Variants in TOM1 observed in about 807,000 individuals in gnomAD.
TOM1 encodes the protein target of Myb protein 1.
TOM1 carries 38 observed loss-of-function variants against 61.3 expected under a neutral mutation model. The ratio of observed to expected loss-of-function variants is 0.62; its 90% CI spans 0.48 to 0.81. TOM1 has a LOEUF of 0.81. Ranked by LOEUF, TOM1 falls within the 40% of genes least tolerant of loss-of-function variation. The probability of loss-of-function intolerance (pLI) is 0.00; values close to 1 mark genes in which losing one functional copy is unlikely to be tolerated. For synonymous variants in TOM1, 270 were observed against 268.8 expected, an observed-to-expected ratio of 1.00 and a Z score of -0.04; for missense variants, 591 against 659.6, an observed-to-expected ratio of 0.90 and a Z score of 1.14.
intron 12 of TOM1, among the ~76,000 whole-genome samples, chr22:35,340,037 C>G (rs1234691939): frequency 6.6e-6 from 1 of 152,236 alleles, no homozygotes; most frequent in African/African-American, 2.4e-5. Context: ...TGTGGGTGAC[C>G]CCCACACGCT....
chr22:35,299,813 C>G, upstream of TOM1: 99 of 1,235,646 alleles, frequency 8.0e-5, no homozygotes, highest in East Asian at 3.4e-4. Flanking sequence ...CTTCGCGGTG[C>G]CACCGCCCCG....
chr22:35,325,606 T>C (rs1261719650), intron 6 of TOM1, among the ~76,000 whole-genome samples: 1 of 152,342 alleles, frequency 6.6e-6, no homozygotes, highest in African/African-American at 2.4e-5. Flanking sequence ...AGCATGTTTA[T>C]GTAAAATTAA....
chr22:35,323,824 C>G lies in TOM1; in HGVS notation c.558C>G (p.Ser186Arg), dbSNP rs772948986. 3.7e-6 allele frequency: 6 copies of G among 1,613,208 alleles called. No individual in the cohort carries two copies. Among genetic ancestry groups the G allele is most frequent in the Non-Finnish European group, 5.1e-6 (6 of 1,179,532 alleles). The change falls in exon 6 of 15, where the codon AGC (serine) becomes AGG (arginine). Residue 186 changes from serine to arginine, a missense_variant. Transcript: ENST00000449058. The surrounding 1 kb of genome is among the most constrained non-coding windows in gnomAD (Gnocchi z 4.2). ...SGQDSVGTDSSQQEDSGQHAA... is the reference protein window; with the variant it reads ...SGQDSVGTDSRQQEDSGQHAA... ...AGGATTCTGTGGGCACTGACTCCAG[C>G]CAGCAAGAGGACTCTGGCCAGCATG...
At chr22:35,330,511 C>T (rs1346686832) in intron 8 of TOM1, 31 bp downstream of exon 8, 20 of 1,587,032 alleles carry the variant, frequency 1.3e-5, no homozygotes, top group Non-Finnish European at 1.6e-5. Context: ...GGCCTCTGGC[C>T]TACTGCCCCA....
chr22:35,322,962 G>T, intron 3 of TOM1, 66 bp from the exon 4 acceptor site: 1 of 1,581,346 alleles, frequency 6.3e-7, no homozygotes, highest in Non-Finnish European at 8.6e-7. Flanking sequence ...GAGCCACGAG[G>T]GTGGGGGTTC....
chr22:35,335,474 T>C (rs1485006131), intron 11 of TOM1, among the ~76,000 whole-genome samples: 4 of 152,194 alleles, frequency 2.6e-5, no homozygotes, highest in Non-Finnish European at 5.9e-5. Flanking sequence ...GACCAGCAGC[T>C]GTTGCCATGG....
chr22:35,299,633 G>T, upstream of TOM1: 1 of 451,998 alleles, frequency 2.2e-6, no homozygotes, highest in Non-Finnish European at 4.0e-6. Flanking sequence ...TTTAGACCTC[G>T]CCCTAAAAGG....
rs186845291 is a variant in TOM1 at position 35,315,393 on chromosome 22, G to A, written c.53-2484G>A. On this transcript the variant is annotated intron_variant, in intron 1 of 14. Coordinates refer to ENST00000449058, the MANE Select transcript of TOM1 (RefSeq NM_005488.3). Reference sequence around the variant, plus strand: ...ACACTGACTGACATGACTAACCCCCGCCCCAAAACCCTCCAAAGCAGGGCA... The same window carrying A: ...ACACTGACTGACATGACTAACCCCCACCCCAAAACCCTCCAAAGCAGGGCA... 1.1e-3 allele frequency among the ~76,000 whole-genome samples: 171 copies of A among 152,264 alleles called. No homozygotes were observed. The East Asian group carries it at 0.024, about 22-fold the overall frequency.
At chr22:35,321,480 C>T (rs1927776122) in intron 2 of TOM1, among the ~76,000 whole-genome samples, 1 of 152,074 alleles carries the variant, frequency 6.6e-6, no homozygotes, top group African/African-American at 2.4e-5. Flanking sequence ...CTCACTGCAA[C>T]CTCTGCCTCC....
chr22:35,344,230 T>A (rs1930307034), intron 12 of TOM1: 1 of 152,278 alleles, frequency 6.6e-6, no homozygotes, highest in South Asian at 2.1e-4. Flanking sequence ...AAAGCCTCAG[T>A]GACTGGATGG....
intron 1 of TOM1, among the ~76,000 whole-genome samples, chr22:35,314,058 A>G (rs1396641392): frequency 6.6e-6 from 1 of 152,240 alleles, no homozygotes; most frequent in Non-Finnish European, 1.5e-5. Flanking sequence ...AAATATTGCC[A>G]GGTTCCTGTG....
chr22:35,343,686 C>T (rs955550648), intron 12 of TOM1, among the ~76,000 whole-genome samples: 3 of 132,880 alleles, frequency 2.3e-5, no homozygotes, highest in African/African-American at 5.5e-5. Flanking sequence ...ACACACCACA[C>T]CTACACACTC....
At chr22:35,331,431 G>T in intron 8 of TOM1, 1 of 405,194 alleles carries the variant, frequency 2.5e-6, no homozygotes, top group South Asian at 1.8e-5. Context: ...GTATCATTCT[G>T]TTCAAGAGTC....
intron 1 of TOM1, among the ~76,000 whole-genome samples, chr22:35,313,662 C>T (rs1441436575): frequency 1.3e-5 from 2 of 152,238 alleles, no homozygotes; most frequent in Non-Finnish European, 2.9e-5. Flanking sequence ...CCCTCATCTC[C>T]ATGAGGGGCA....
chr22:35,304,456 T>C (rs562805671), intron 1 of TOM1, among the ~76,000 whole-genome samples: 2 of 152,328 alleles, frequency 1.3e-5, no homozygotes, highest in South Asian at 4.1e-4. Flanking sequence ...TGCAGACAAA[T>C]CTTACTGGAT....
chr22:35,320,536 T>G (rs922988023), intron 2 of TOM1, among the ~76,000 whole-genome samples: 1 of 152,168 alleles, frequency 6.6e-6, no homozygotes, highest in East Asian at 1.9e-4. Context: ...CAAGCTCCTC[T>G]GCACCCAAGA....
chr22:35,338,002 C>T (rs1239223227), intron 11 of TOM1, among the ~76,000 whole-genome samples: 2 of 152,210 alleles, frequency 1.3e-5, no homozygotes, highest in Non-Finnish European at 2.9e-5. Flanking sequence ...TATTCTCTTG[C>T]TCCCCAGGAG....
intron 12 of TOM1, among the ~76,000 whole-genome samples, chr22:35,343,089 CCT>C (rs1486885441): frequency 2.2e-5 from 3 of 137,520 alleles, no homozygotes; most frequent in Non-Finnish European, 4.7e-5. Flanking sequence ...ACACACCACA[CCT>C]ACACACCCAT....
At chr22:35,321,547 T>C (rs7289046) in intron 2 of TOM1, among the ~76,000 whole-genome samples, 17,870 of 151,964 alleles carry the variant, frequency 0.12, 1,249 homozygotes, top group South Asian at 0.16. Flanking sequence ...TACAGGGTCA[T>C]ACCACCACGC....
Sources: gnomAD v4.1 joint callset for allele counts (sites outside exome capture counted in the v4.1 genomes callset) on GRCh38, gnomAD v4.1.1 for gene constraint, Gnocchi (gnomAD v3.1) non-coding constraint, MANE v1.5 for transcripts, NCBI Gene and HGNC (gene_info 2026-07-23, HGNC 2026-07-21) for gene names.